The following PTPRG variants were observed in gnomAD, a reference collection of about 807,000 sequenced individuals.
PTPRG encodes the protein protein tyrosine phosphatase receptor type G, also known as receptor-type tyrosine-protein phosphatase gamma.
A neutral mutation model predicts 165.3 loss-of-function variants in PTPRG; 102 were observed. The ratio of observed to expected loss-of-function variants is 0.62; its 90% CI spans 0.53 to 0.73. The LOEUF is 0.73. Among genes scored for constraint, PTPRG ranks in the 30% least tolerant of loss-of-function variants. The probability of loss-of-function intolerance (pLI) is 0.00; values close to 1 mark genes in which losing one functional copy is unlikely to be tolerated. For missense variants in PTPRG, 1,866 were observed against 1,861.4 expected (o/e 1.00, Z -0.05); for synonymous variants, 675 against 669.5 (o/e 1.01, Z -0.13).
At chr3:62,282,539 T>C (rs923346339) in intron 27 of PTPRG, among the ~76,000 whole-genome samples, 188 bp from the exon 28 acceptor site, 1 of 146,006 alleles carries the variant, frequency 6.8e-6, no homozygotes, top group Non-Finnish European at 1.5e-5. Flanking sequence ...ATGCTTTTTT[T>C]AAAAAACAAA....
intron 2 of PTPRG, among the ~76,000 whole-genome samples, chr3:61,860,434 C>CTTTTTTTTTTTTTTTTTTTTTTTTT (rs766688465): frequency 1.0e-5 from 1 of 95,530 alleles, no homozygotes; most frequent in Non-Finnish European, 1.9e-5. Context: ...GTTTTTGTTC[C>CTTTTTTTTTTTTTTTTTTTTTTTTT]TTTTTTTTTT....
chr3:62,109,192 T>C (rs1360622614), intron 5 of PTPRG, among the ~76,000 whole-genome samples: 1 of 152,198 alleles, frequency 6.6e-6, no homozygotes, highest in African/African-American at 2.4e-5. Flanking sequence ...TACATTTAAG[T>C]CTTTGATCCA....
At chr3:62,003,127 C>T (rs1274210145) in intron 3 of PTPRG, among the ~76,000 whole-genome samples, 1 of 151,884 alleles carries the variant, frequency 6.6e-6, no homozygotes, top group Non-Finnish European at 1.5e-5. Flanking sequence ...AGATCATTCT[C>T]TGGAAAGTAT....
intron 5 of PTPRG, among the ~76,000 whole-genome samples, chr3:62,108,178 A>G (rs1251631144): frequency 6.6e-6 from 1 of 151,664 alleles, no homozygotes; most frequent in Admixed American, 6.6e-5. Context: ...TATTTCTCCC[A>G]ATGTTATCCC....
Position 62,203,919 on chromosome 3 carries a change from T to C in PTPRG, c.2124T>C (p.Ser708=), listed in dbSNP as rs1195610540. 4 of 1,593,826 alleles carry C rather than the reference T, an allele frequency of 2.5e-6. No individual in the cohort carries two copies. The highest frequency in any genetic ancestry group is 2.7e-5 in the African/African-American group (2 of 74,288). ...KKPMSRGDRF[S]EDSRFITVNP... ...CTATGTCCCGCGGGGACCGATTTTC[T>C]GAAGACAGCAGATTTATCACTGTTA... Residue 708 remains serine (S), a synonymous_variant, in exon 12 of 30, where the codon TCT becomes TCC. Coordinates refer to ENST00000474889, the MANE Select transcript of PTPRG (RefSeq NM_002841.4). The surrounding 1 kb of genome is among the most constrained non-coding windows in gnomAD (Gnocchi z 6.4).
At chr3:62,108,240 T>G (rs1238226292) in intron 5 of PTPRG, among the ~76,000 whole-genome samples, 2 of 147,048 alleles carry the variant, frequency 1.4e-5, no homozygotes, top group Non-Finnish European at 3.0e-5. Flanking sequence ...ATTTCCCCGC[T>G]GTATCCATGT....
At chr3:62,146,292 G>T (rs1704118149) in intron 6 of PTPRG, among the ~76,000 whole-genome samples, 1 of 152,154 alleles carries the variant, frequency 6.6e-6, no homozygotes. Flanking sequence ...AATAAAGTTG[G>T]AGGAGGCTAG....
At chr3:62,191,129 G>GAGTGCGTC (rs1699802055) in intron 8 of PTPRG, among the ~76,000 whole-genome samples, 1 of 151,352 alleles carries the variant, frequency 6.6e-6, no homozygotes, top group Non-Finnish European at 1.5e-5. Flanking sequence ...ATGTGTGCGT[G>GAGTGCGTC]TGTGCGTCTG....
chr3:61,826,165 G>A (rs895427209), intron 2 of PTPRG, among the ~76,000 whole-genome samples: 1 of 152,070 alleles, frequency 6.6e-6, no homozygotes, highest in Admixed American at 6.5e-5. Context: ...CGTTTTGCAC[G>A]GAATAGTAGG....
At chr3:61,788,455 A>C (rs2034776527) in intron 2 of PTPRG, among the ~76,000 whole-genome samples, 3 of 152,252 alleles carry the variant, frequency 2.0e-5, no homozygotes. Context: ...TGACATTTTG[A>C]GATACCTGCA....
intron 4 of PTPRG, among the ~76,000 whole-genome samples, chr3:62,014,218 TTTCA>T (rs1190036151): frequency 6.6e-6 from 1 of 152,128 alleles, no homozygotes; most frequent in Non-Finnish European, 1.5e-5. Context: ...TGGCATAGAA[TTTCA>T]TTGCACCCCC....
chr3:61,913,054 A>C (rs781653917), intron 2 of PTPRG, among the ~76,000 whole-genome samples: 3 of 152,098 alleles, frequency 2.0e-5, no homozygotes, highest in Non-Finnish European at 2.9e-5. Flanking sequence ...AGCAAGGGAC[A>C]CCTTTTCTTT....
At position 61,876,061 on chromosome 3, in the gene PTPRG, C is replaced by T. The variant is rs146147893; in HGVS notation, c.191-113564C>T. ...CCTTCAAGATTTGAGCATTTGGTAG[C>T]CCAATATCAGTCAGTGAAAGAAGTG... On this transcript the variant is annotated intron_variant, in intron 2 of 29. Coordinates refer to ENST00000474889, the MANE Select transcript of PTPRG (RefSeq NM_002841.4). Among the ~76,000 whole-genome samples the T allele has an allele frequency of 1.5e-3, 233 of 152,300 alleles. 2 individuals carry two copies. The highest frequency in any genetic ancestry group is 5.2e-3 in the African/African-American group (215 of 41,576).
chr3:62,255,091 A>G lies in PTPRG; in HGVS notation c.2468-33A>G, dbSNP rs374316167. 5.1e-6 allele frequency: 8 copies of G among 1,560,992 alleles called. No homozygotes were observed. Among genetic ancestry groups the G allele is most frequent in the South Asian group, 3.4e-5 (3 of 87,652 alleles). Reference sequence around the variant, plus strand: ...GTAATTTGTTTTATGGAAGTATTCTATGTAACTTTGAATATTATTTTATTC... The same window carrying G: ...GTAATTTGTTTTATGGAAGTATTCTGTGTAACTTTGAATATTATTTTATTC... On this transcript the variant is annotated intron_variant, in intron 15 of 29. Coordinates refer to ENST00000474889, the MANE Select transcript of PTPRG (RefSeq NM_002841.4). This position sits in a 1 kb window ranked among gnomAD's most constrained non-coding sequence, Gnocchi z 4.0.
chr3:62,281,537 G>GATTTTTTTTTTTTTTTTTTT, intron 26 of PTPRG, 26 bp from the exon 27 acceptor site: 1 of 174,778 alleles, frequency 5.7e-6, no homozygotes, highest in Non-Finnish European at 8.2e-6. Context: ...AACTGCAGAG[G>GATTTTTTTTTTTTTTTTTTT]CTTTTTTTTT....
intron 1 of PTPRG, among the ~76,000 whole-genome samples, chr3:61,731,562 TG>T (rs1469591400): frequency 1.3e-5 from 2 of 152,042 alleles, no homozygotes; most frequent in Admixed American, 6.5e-5. Context: ...TTGGCCAGAA[TG>T]GTCTAAATCT....
chr3:61,892,973 G>A (rs751349012), intron 2 of PTPRG, among the ~76,000 whole-genome samples: 1 of 152,172 alleles, frequency 6.6e-6, no homozygotes, highest in Non-Finnish European at 1.5e-5. Context: ...ATACAATACA[G>A]CATAAGAATC....
rs576740248 is a variant in PTPRG at position 61,573,044 on chromosome 3, C to T, written c.85+10672C>T. Among the ~76,000 whole-genome samples the T allele has an allele frequency of 5.3e-5, 8 of 152,372 alleles. 1 individual carries two copies. In the South Asian group the frequency reaches 1.7e-3, roughly 32 times the overall value. On this transcript the variant is annotated intron_variant, in intron 1 of 29. Transcript: ENST00000474889. ...GTCAATCTTGCTTATGAAGCTGAAG[C>T]TCACCTCTCCTGGCTGTGTCGTTTT...
chr3:61,631,522 A>G (rs1432090106), intron 1 of PTPRG, among the ~76,000 whole-genome samples: 2 of 152,188 alleles, frequency 1.3e-5, no homozygotes, highest in Non-Finnish European at 2.9e-5. Context: ...GTATAGAAAA[A>G]CCACAGTGTA....
Sources: allele counts gnomAD v4.1 joint callset (sites outside exome capture counted in the v4.1 genomes callset), GRCh38; gene constraint gnomAD v4.1.1; non-coding constraint Gnocchi (gnomAD v3.1); transcripts MANE v1.5; gene names NCBI Gene and HGNC (gene_info 2026-07-23, HGNC 2026-07-21).